Variants in ATF3 observed in about 807,000 individuals in gnomAD.
The protein encoded by ATF3 is cyclic AMP-dependent transcription factor ATF-3.
In ATF3, 10 loss-of-function variants were observed where a neutral mutation model predicts 18.4. The ratio of observed to expected loss-of-function variants is 0.54; its 90% CI spans 0.34 to 0.92. The LOEUF (loss-of-function observed/expected upper bound fraction) is 0.92. Ranked by LOEUF, ATF3 falls within the 40% of genes least tolerant of loss-of-function variation. The pLI is 0.02. For synonymous variants in ATF3, 78 were observed against 87.9 expected (o/e 0.89, Z 0.63); for missense variants, 183 against 222.3 (o/e 0.82, Z 1.12).
Position 212,618,245 on chromosome 1 carries a change from T to C in ATF3, c.348+11T>C. On this transcript the variant is annotated intron_variant, in intron 3 of 3. Transcript: ENST00000341491. The surrounding 1 kb of genome is among the most constrained non-coding windows in gnomAD (Gnocchi z 4.4). ...GAGTGCCTGCAGAAAGTGAGTGCCTTCTAGCCTTACCCTTCCTCTCGCTCA... is the reference window on the plus strand; with the variant it reads ...GAGTGCCTGCAGAAAGTGAGTGCCTCCTAGCCTTACCCTTCCTCTCGCTCA... 3 of 1,613,334 alleles carry C rather than the reference T, an allele frequency of 1.9e-6. No individual in the cohort carries two copies. Among genetic ancestry groups the C allele is most frequent in the East Asian group, 2.2e-5 (1 of 44,878 alleles).
intron 1 of ATF3, among the ~76,000 whole-genome samples, chr1:212,609,651 C>T (rs1364490459): frequency 1.3e-5 from 2 of 152,346 alleles, no homozygotes; most frequent in South Asian, 2.1e-4. Context: ...GGCTGGTGTC[C>T]GGACCCCGAG....
rs1655224894 is a variant in ATF3 at position 212,618,369 on chromosome 1, G to T, written c.348+135G>T. The T allele has an allele frequency of 2.3e-6, 2 of 886,220 alleles. No individual in the cohort carries two copies. Among genetic ancestry groups the T allele is most frequent in the Admixed American group, 3.5e-5 (2 of 56,372 alleles). The allele number at this position is 886,220 out of a possible 1,614,324, so 54.9% of individuals were successfully genotyped here. A position where few individuals can be genotyped will look rare whatever the true frequency, so the allele number is the denominator to read the frequency against. On this transcript the variant is annotated intron_variant, in intron 3 of 3. Transcript: ENST00000341491. The surrounding 1 kb of genome is among the most constrained non-coding windows in gnomAD (Gnocchi z 4.4). ...AAGAAGGGCCTTGTAGCTGGTAGCA[G>T]AAATGCCAGTTGCAGAATGAGGAGG... is the stretch of plus-strand genomic sequence containing the variant.
At chr1:212,571,945 C>T (rs899916984) in intron 1 of ATF3, among the ~76,000 whole-genome samples, 1 of 136,078 alleles carries the variant, frequency 7.3e-6, no homozygotes, top group Admixed American at 7.3e-5. Context: ...ATTTCCTGAC[C>T]TCGTGATCCG....
chr1:212,603,952 A>G (rs749223991), upstream of ATF3, among the ~76,000 whole-genome samples: 2 of 152,238 alleles, frequency 1.3e-5, no homozygotes, highest in African/African-American at 2.4e-5. Flanking sequence ...AATCATGTAC[A>G]TGAGAAAAAA....
Position 212,619,173 on chromosome 1 carries a change from T to C in ATF3, c.349-185T>C, listed in dbSNP as rs1655260242. On this transcript the variant is annotated intron_variant, in intron 3 of 3. Transcript: ENST00000341491. The surrounding 1 kb of genome is among the most constrained non-coding windows in gnomAD (Gnocchi z 4.4). Reference sequence around the variant, plus strand: ...GCCTCTGTGGCATCACCAGGGTTTCTCTGAAGAAGAGGGTCTGCATTTTCC... The same window carrying C: ...GCCTCTGTGGCATCACCAGGGTTTCCCTGAAGAAGAGGGTCTGCATTTTCC... The C allele has an allele frequency of 6.2e-7, 1 of 1,613,254 alleles. No individual in the cohort carries two copies. The highest frequency in any genetic ancestry group is 1.1e-5 in the South Asian group (1 of 91,062).
intron 1 of ATF3, among the ~76,000 whole-genome samples, chr1:212,599,668 G>A (rs1367825983): frequency 3.3e-5 from 5 of 152,004 alleles, no homozygotes; most frequent in Non-Finnish European, 7.4e-5. Context: ...ATTTTGTCCC[G>A]AAATGCCCTT....
At chr1:212,607,090 A>G (rs1029321869), upstream of ATF3, among the ~76,000 whole-genome samples, 1 of 152,152 alleles carries the variant, frequency 6.6e-6, no homozygotes, top group Non-Finnish European at 1.5e-5. Context: ...GGGCGCAAAG[A>G]CTTCCGAGGC....
Position 212,619,113 on chromosome 1 carries a change from G to A in ATF3, c.349-245G>A. 3 of 1,614,094 alleles carry A rather than the reference G, an allele frequency of 1.9e-6. No homozygotes were observed. Among genetic ancestry groups the A allele is most frequent in the Non-Finnish European group, 2.5e-6 (3 of 1,180,032 alleles). On this transcript the variant is annotated intron_variant, in intron 3 of 3. Transcript: ENST00000341491. This position sits in a 1 kb window ranked among gnomAD's most constrained non-coding sequence, Gnocchi z 4.4. The stretch of plus-strand genomic sequence containing the variant: ...GTTGACTCATGCAAATGAGGTATCT[G>A]AACTGCAGCTTCAGTATTAGCAGAG...
Position 212,619,711 on chromosome 1 carries a change from C to A in ATF3, c.*156C>A. 3.0e-6 allele frequency: 3 copies of A among 1,014,070 alleles called. No individual in the cohort carries two copies. The highest frequency in any genetic ancestry group is 3.0e-5 in the South Asian group (2 of 65,792). 62.8% of individuals were successfully genotyped at this position (1,014,070 alleles called of 1,614,324 possible). A position where few individuals can be genotyped will look rare whatever the true frequency, so the allele number is the denominator to read the frequency against. On this transcript the variant is annotated 3_prime_UTR_variant, in exon 4 of 4. Transcript: ENST00000341491. This position sits in a 1 kb window ranked among gnomAD's most constrained non-coding sequence, Gnocchi z 4.4. ...GGAGGGCCTGCAGTGATTCAGCAGG[C>A]CCTTCCCATTCTGCCCCAGAGTGGG...
At chr1:212,589,975 C>G (rs1220051038) in intron 1 of ATF3, among the ~76,000 whole-genome samples, 2 of 152,086 alleles carry the variant, frequency 1.3e-5, no homozygotes, top group African/African-American at 4.8e-5. Context: ...GCTGAGTAAA[C>G]TATAACTGTT....
intron 1 of ATF3, among the ~76,000 whole-genome samples, chr1:212,577,647 A>T (rs577758575): frequency 1.3e-5 from 2 of 151,240 alleles, no homozygotes; most frequent in Non-Finnish European, 2.9e-5. Context: ...ACTTTTTTCA[A>T]TTCCCACATA....
intron 1 of ATF3, among the ~76,000 whole-genome samples, chr1:212,578,480 C>T (rs1009302070): frequency 2.0e-5 from 3 of 152,138 alleles, no homozygotes; most frequent in Non-Finnish European, 4.4e-5. Context: ...TGTGTTCCTC[C>T]GCACCATTTT....
At position 212,598,872 on chromosome 1, in the gene ATF3, C is replaced by T. The variant is rs183812098; in HGVS notation, c.-4-16146C>T. ...CTATGCATTCATCTGTTGATGGACACTTAGGTTGCCTCCAAATCTTGGCTA... is the reference window on the plus strand; with the variant it reads ...CTATGCATTCATCTGTTGATGGACATTTAGGTTGCCTCCAAATCTTGGCTA... On this transcript the variant is annotated intron_variant, in intron 1 of 3. Coordinates refer to the ATF3 transcript ENST00000366981. 1.3e-3 allele frequency among the ~76,000 whole-genome samples: 191 copies of T among 152,324 alleles called. 1 individual carries two copies. Among genetic ancestry groups the T allele is most frequent in the Non-Finnish European group, 1.5e-3 (104 of 68,026 alleles).
At chr1:212,605,254 C>T (rs778743338), upstream of ATF3, among the ~76,000 whole-genome samples, 1 of 152,174 alleles carries the variant, frequency 6.6e-6, no homozygotes, top group African/African-American at 2.4e-5. Context: ...ATCCAGAATC[C>T]AAGTGCCTTC....
At chr1:212,582,183 T>A (rs1664695267) in intron 1 of ATF3, among the ~76,000 whole-genome samples, 2 of 152,216 alleles carry the variant, frequency 1.3e-5, no homozygotes, top group South Asian at 4.1e-4. Flanking sequence ...AGACTTATAT[T>A]TGCGATTTAT....
At chr1:212,606,402 C>T (rs1000073434), upstream of ATF3, among the ~76,000 whole-genome samples, 3 of 152,174 alleles carry the variant, frequency 2.0e-5, no homozygotes, top group South Asian at 6.2e-4. Flanking sequence ...TAGAATGAAG[C>T]AAGATTGATA....
At chr1:212,580,935 AT>A (rs556602167) in intron 1 of ATF3, among the ~76,000 whole-genome samples, 163 of 151,998 alleles carry the variant, frequency 1.1e-3, no homozygotes, top group African/African-American at 3.9e-3. Context: ...TGCCCGGCTA[AT>A]TTTTGTATTT....
chr1:212,569,121 C>A (rs1230432743), intron 1 of ATF3, among the ~76,000 whole-genome samples: 1 of 152,134 alleles, frequency 6.6e-6, no homozygotes, highest in Non-Finnish European at 1.5e-5. Flanking sequence ...GCACCCTTTT[C>A]TTTATTTCTT....
At chr1:212,617,663 T>C (rs897733199) in intron 2 of ATF3, among the ~76,000 whole-genome samples, 4 of 152,148 alleles carry the variant, frequency 2.6e-5, no homozygotes, top group African/African-American at 9.7e-5. Context: ...CAGAGGTGAA[T>C]GGGGTTGCCC....
Sources: gnomAD v4.1 joint callset for allele counts (sites outside exome capture counted in the v4.1 genomes callset) on GRCh38, gnomAD v4.1.1 for gene constraint, Gnocchi (gnomAD v3.1) non-coding constraint, MANE v1.5 for transcripts, NCBI Gene and HGNC (gene_info 2026-07-23, HGNC 2026-07-21) for gene names.